The following JAK1 variants were observed in gnomAD, a reference collection of about 807,000 sequenced individuals.
JAK1 encodes tyrosine-protein kinase JAK1.
A neutral mutation model predicts 136.6 loss-of-function variants in JAK1; 16 were observed. The observed-to-expected ratio is 0.12, with a 90% CI of 0.08 to 0.18. JAK1 has a LOEUF of 0.18. Ranked by LOEUF, JAK1 falls within the 10% of genes least tolerant of loss-of-function variation. The pLI, the probability that JAK1 is intolerant of heterozygous loss-of-function variation, is 1.00. For synonymous variants in JAK1, 492 were observed against 519.5 expected (o/e 0.95, Z 0.72); for missense variants, 859 against 1,450.1 (o/e 0.59, Z 6.62).
chr1:64,869,441 T>C lies in JAK1; in HGVS notation c.517A>G (p.Ile173Val). The C allele has an allele frequency of 2.5e-6, 4 of 1,613,990 alleles. No individual in the cohort carries two copies. The highest frequency in any genetic ancestry group is 3.4e-6 in the Non-Finnish European group (4 of 1,179,940). ...TCCTGCTCGGTCTTGGGGTCTCGAA[T>C]AGGAGCCAGGCATTTCACCAAATCA... ...QYDLVKCLAP[I>V]RDPKTEQDGH... The change falls in exon 6 of 25, where the codon ATT becomes GTT. Residue 173 changes from isoleucine (I) to valine (V), a missense_variant. By Grantham distance (29) the Ile-to-Val change is conservative. This residue lies in a region of JAK1 where 353 missense variants were observed against 494.0 expected (regional missense o/e 0.71). Coordinates refer to ENST00000342505, the MANE Select transcript of JAK1 (RefSeq NM_002227.4).
At chr1:64,850,478 G>A (rs1291410355) in intron 12 of JAK1, among the ~76,000 whole-genome samples, 2 of 152,214 alleles carry the variant, frequency 1.3e-5, no homozygotes. Flanking sequence ...TGCAGGCAGC[G>A]AGGTGTGATG....
At chr1:64,929,946 T>C (rs1310578844) in intron 1 of JAK1, among the ~76,000 whole-genome samples, 1 of 152,216 alleles carries the variant, frequency 6.6e-6, no homozygotes. Flanking sequence ...ATTCCCTATT[T>C]AATAAATGGT....
intron 1 of JAK1, among the ~76,000 whole-genome samples, chr1:64,921,406 T>C (rs972479520): frequency 1.1e-4 from 16 of 152,140 alleles, no homozygotes; most frequent in African/African-American, 3.4e-4. Flanking sequence ...ATAACAACTA[T>C]CCTTCAGGCT....
At chr1:64,903,581 G>C (rs557864464) in intron 1 of JAK1, among the ~76,000 whole-genome samples, 20 of 152,300 alleles carry the variant, frequency 1.3e-4, no homozygotes, top group African/African-American at 4.8e-4. Context: ...ACATACCTGG[G>C]TCCTAATTCT....
intron 1 of JAK1, among the ~76,000 whole-genome samples, chr1:64,945,113 C>T (rs1645960882): frequency 6.6e-6 from 1 of 151,940 alleles, no homozygotes; most frequent in Admixed American, 6.6e-5. Flanking sequence ...GAAAGCACTC[C>T]AACAGTCCAC....
At chr1:64,998,314 AT>A (rs1646721917) in intron 2 of JAK1, among the ~76,000 whole-genome samples, 1 of 152,248 alleles carries the variant, frequency 6.6e-6, no homozygotes, top group African/African-American at 2.4e-5. Flanking sequence ...AGTAATTACC[AT>A]ACTTACATGG....
intron 2 of JAK1, among the ~76,000 whole-genome samples, chr1:64,979,318 G>T (rs1646523176): frequency 6.6e-6 from 1 of 152,190 alleles, no homozygotes; most frequent in Non-Finnish European, 1.5e-5. Flanking sequence ...AGGATTGCTT[G>T]ACCCCAGGAG....
intron 1 of JAK1, among the ~76,000 whole-genome samples, chr1:64,952,973 T>TAG (rs1367101974): frequency 6.6e-6 from 1 of 152,244 alleles, no homozygotes; most frequent in African/African-American, 2.4e-5. Flanking sequence ...CACTCAGCTA[T>TAG]GACTGATCAT....
intron 3 of JAK1, 144 bp from the exon 4 acceptor site, chr1:64,879,292 T>A (rs1644732498): frequency 3.3e-6 from 3 of 921,334 alleles, no homozygotes; most frequent in East Asian, 5.5e-5. Flanking sequence ...GCAAACAGAC[T>A]TCCGACCAGG....
At chr1:64,839,512 T>TA in intron 20 of JAK1, 91 bp downstream of exon 20, 4 of 1,105,512 alleles carry the variant, frequency 3.6e-6, no homozygotes, top group Non-Finnish European at 5.2e-6. Context: ...GACGCCCAGG[T>TA]AAGGCCACGG....
intron 1 of JAK1, among the ~76,000 whole-genome samples, chr1:65,047,174 T>C (rs978046127): frequency 6.6e-6 from 1 of 152,060 alleles, no homozygotes; most frequent in Non-Finnish European, 1.5e-5. Context: ...GGTAAAACCC[T>C]GTCTCCAAAA....
chr1:64,986,232 A>G, intron 2 of JAK1: 1 of 359,538 alleles, frequency 2.8e-6, no homozygotes. Context: ...CAGCCTCCCA[A>G]ATAGCTGGCA....
rs570497588 is a variant in JAK1 at position 65,045,604 on chromosome 1, G to A, written c.-180-1022C>T. On this transcript the variant is annotated intron_variant, in intron 1 of 25. Transcript: ENST00000671954. The stretch of plus-strand genomic sequence containing the variant: ...ACAGTTTCTGCATCTGTGCAATGGT[G>A]ATGATGACAGTGCCCTCCTCATAGA... 3.9e-5 allele frequency among the ~76,000 whole-genome samples: 6 copies of A among 152,310 alleles called. No homozygotes were observed. The South Asian group carries it at 1.2e-3, about 32-fold the overall frequency.
chr1:64,872,018 C>A (rs561577041), intron 5 of JAK1, among the ~76,000 whole-genome samples: 2 of 152,228 alleles, frequency 1.3e-5, no homozygotes, highest in African/African-American at 2.4e-5. Context: ...TCTCCAGCCT[C>A]GTTCCCCATC....
At chr1:65,008,373 T>A (rs1259730175) in intron 2 of JAK1, among the ~76,000 whole-genome samples, 1 of 152,180 alleles carries the variant, frequency 6.6e-6, no homozygotes, top group East Asian at 1.9e-4. Context: ...ATTGGAGAAA[T>A]AGTTTGAGGT....
chr1:64,875,171 G>A (rs1301583464), intron 4 of JAK1, among the ~76,000 whole-genome samples: 3 of 152,234 alleles, frequency 2.0e-5, no homozygotes. Flanking sequence ...CTCTGGCGAG[G>A]TGCCGAGGAG....
intron 1 of JAK1, among the ~76,000 whole-genome samples, chr1:64,952,322 T>C (rs1646106509): frequency 6.6e-6 from 1 of 152,192 alleles, no homozygotes; most frequent in Non-Finnish European, 1.5e-5. Context: ...TGATCAAATC[T>C]AGGTTCCTCC....
intron 1 of JAK1, among the ~76,000 whole-genome samples, chr1:65,064,954 A>G (rs1049196130): frequency 6.6e-6 from 1 of 152,228 alleles, no homozygotes; most frequent in African/African-American, 2.4e-5. Flanking sequence ...ACCCAACTCT[A>G]GAGGAAAGCT....
At chr1:64,864,336 A>T (rs2101099267) in intron 8 of JAK1, among the ~76,000 whole-genome samples, 1 of 152,324 alleles carries the variant, frequency 6.6e-6, no homozygotes, top group African/African-American at 2.4e-5. Flanking sequence ...TCTGTCCGAG[A>T]GTCACTGGGG....
Sources: allele counts gnomAD v4.1 joint callset (sites outside exome capture counted in the v4.1 genomes callset), GRCh38; gene constraint gnomAD v4.1.1; regional missense constraint gnomAD v4.1.1; transcripts MANE v1.5; gene names NCBI Gene and HGNC (gene_info 2026-07-23, HGNC 2026-07-21).